DCUN1D4: variants seen among roughly 807,000 people sequenced by gnomAD.
The protein encoded by DCUN1D4 is DCN1-like protein 4.
DCUN1D4 carries 22 observed loss-of-function variants against 47.9 expected under a neutral mutation model. That is an observed-to-expected ratio of 0.46 (90% CI 0.33 to 0.66). The LOEUF is 0.66. Among genes scored for constraint, DCUN1D4 ranks in the 30% least tolerant of loss-of-function variants. The probability of loss-of-function intolerance (pLI) is 0.02; values close to 1 mark genes in which losing one functional copy is unlikely to be tolerated. For synonymous variants in DCUN1D4, 121 were observed against 112.2 expected, an observed-to-expected ratio of 1.08 and a Z score of -0.50; for missense variants, 301 against 340.8, an observed-to-expected ratio of 0.88 and a Z score of 0.92.
At chr4:51,874,578 G>A (rs1238472050) in intron 4 of DCUN1D4, 193 bp downstream of exon 4, 1 of 442,862 alleles carries the variant, frequency 2.3e-6, no homozygotes, top group African/African-American at 2.0e-5. Context: ...AACAAATTAG[G>A]TAATTTGAAT....
At chr4:51,834,708 C>T in the DCUN1D4 span, among the ~76,000 whole-genome samples, 3 of 152,098 alleles carry the variant, frequency 2.0e-5, no homozygotes, top group African/African-American at 7.2e-5. Flanking sequence ...GGAGGGCCAC[C>T]CACCAAGAGC....
chr4:51,886,864 A>G (rs999460197), intron 6 of DCUN1D4: 4 of 507,676 alleles, frequency 7.9e-6, no homozygotes, highest in African/African-American at 1.9e-5. Flanking sequence ...AATTTCTTGT[A>G]TGTAAAAGGT....
At chr4:51,865,361 T>C (rs1409288967) in intron 3 of DCUN1D4, 1 of 186,722 alleles carries the variant, frequency 5.4e-6, no homozygotes, top group Non-Finnish European at 1.2e-5. Flanking sequence ...TCTCCATAGG[T>C]GGTATTGTAT....
In DCUN1D4 at chr4:51,913,732, C is replaced by A; in HGVS notation, c.*148C>A. ...ATGTTGGTGTTTGCTATTGAATTGG[C>A]CAGCTCTGCTTGCTGTGTGGCATTG... On this transcript the variant is annotated 3_prime_UTR_variant, in exon 11 of 11. Coordinates refer to ENST00000334635, the MANE Select transcript of DCUN1D4 (RefSeq NM_001040402.3). 1 of 688,762 alleles carries A rather than the reference C, an allele frequency of 1.5e-6. No homozygotes were observed. Among genetic ancestry groups the A allele is most frequent in the Non-Finnish European group, 2.5e-6 (1 of 406,378 alleles). 42.7% of individuals were successfully genotyped at this position (688,762 alleles called of 1,614,324 possible).
chr4:51,845,271 T>C lies in DCUN1D4; in HGVS notation c.25+2004T>C, dbSNP rs1475417275. 3 of 985,192 alleles carry C rather than the reference T, an allele frequency of 3.0e-6. No homozygotes were observed. The East Asian group carries it at 3.4e-4, about 112-fold the overall frequency. The allele number at this position is 985,192 out of a possible 1,614,324, so 61.0% of individuals were successfully genotyped here. A position where few individuals can be genotyped will look rare whatever the true frequency, so the allele number is the denominator to read the frequency against. ...ACACGTAACCCTTGTAACGATAATA[T>C]AAACTATGTGTTGGTATTTCTTGGG... On this transcript the variant is annotated intron_variant, in intron 1 of 10. Coordinates refer to ENST00000334635, the MANE Select transcript of DCUN1D4 (RefSeq NM_001040402.3).
At chr4:51,896,922 C>T (rs1159746832) in intron 7 of DCUN1D4, among the ~76,000 whole-genome samples, 1 of 152,088 alleles carries the variant, frequency 6.6e-6, no homozygotes, top group Non-Finnish European at 1.5e-5. Flanking sequence ...TGAGACTGAC[C>T]CCATGTTCCT....
chr4:51,873,503 G>A (rs570333404), intron 3 of DCUN1D4, among the ~76,000 whole-genome samples: 3 of 152,236 alleles, frequency 2.0e-5, no homozygotes, highest in African/African-American at 4.8e-5. Context: ...CTCCGCCTCC[G>A]TTTTCTTATC....
chr4:51,894,143 T>C (rs1730872888), intron 7 of DCUN1D4, among the ~76,000 whole-genome samples: 1 of 152,148 alleles, frequency 6.6e-6, no homozygotes. Context: ...ATTCAGGGTT[T>C]AGTGACAAGC....
chr4:51,887,240 T>C, intron 6 of DCUN1D4: 1 of 373,790 alleles, frequency 2.7e-6, no homozygotes. Context: ...TAGCTGGGAC[T>C]ACAGGTGTGC....
At chr4:51,879,780 G>A (rs531669005) in intron 5 of DCUN1D4, among the ~76,000 whole-genome samples, 1 of 152,276 alleles carries the variant, frequency 6.6e-6, no homozygotes, top group East Asian at 1.9e-4. Context: ...TAAAGAAAAA[G>A]TACACTTAAT....
intron 1 of DCUN1D4, among the ~76,000 whole-genome samples, chr4:51,846,517 T>G (rs1722572323): frequency 6.6e-6 from 1 of 152,240 alleles, no homozygotes; most frequent in South Asian, 2.1e-4. Flanking sequence ...GCAGCTCTTC[T>G]TGGCTTATTA....
intron 1 of DCUN1D4, chr4:51,844,251 C>A: frequency 1.2e-6 from 1 of 865,904 alleles, no homozygotes; most frequent in Non-Finnish European, 1.4e-6. Flanking sequence ...GAGGTACTTC[C>A]TCTCCCTGTC....
At chr4:51,843,831 G>C (rs1435857790) in intron 1 of DCUN1D4, 1 of 393,358 alleles carries the variant, frequency 2.5e-6, no homozygotes, top group South Asian at 1.3e-4. Flanking sequence ...ACAATGGGGT[G>C]GGGGAATGGG....
At chr4:51,835,332 C>G in the DCUN1D4 span, among the ~76,000 whole-genome samples, 1 of 152,224 alleles carries the variant, frequency 6.6e-6, no homozygotes, top group Non-Finnish European at 1.5e-5. Flanking sequence ...ACAAAAATGT[C>G]TACCTCTTGG....
chr4:51,847,398 C>G (rs1268149080), intron 1 of DCUN1D4, among the ~76,000 whole-genome samples: 1 of 152,098 alleles, frequency 6.6e-6, no homozygotes, highest in South Asian at 2.1e-4. Context: ...GAGAACAAAA[C>G]TAATAAATTT....
chr4:51,855,220 T>C lies in DCUN1D4; in HGVS notation c.26-8217T>C, dbSNP rs548393590. ...CAAATCTATAGAGACAGAAAGTAGA[T>C]TAGTGGTTGCCTAGAGCTGAAGAGG... On this transcript the variant is annotated intron_variant, in intron 1 of 10. Transcript: ENST00000334635. Among the ~76,000 whole-genome samples the C allele has an allele frequency of 1.2e-4, 19 of 152,180 alleles. No individual in the cohort carries two copies. In the South Asian group the frequency reaches 3.9e-3, roughly 32 times the overall value.
intron 4 of DCUN1D4, among the ~76,000 whole-genome samples, chr4:51,876,316 G>A (rs1034940512): frequency 6.7e-6 from 1 of 149,980 alleles, no homozygotes; most frequent in Admixed American, 6.7e-5. Flanking sequence ...CTATCGCAAG[G>A]ACAAAAAACC....
At chr4:51,852,718 T>A (rs1324307655) in intron 1 of DCUN1D4, among the ~76,000 whole-genome samples, 1 of 152,224 alleles carries the variant, frequency 6.6e-6, no homozygotes, top group Non-Finnish European at 1.5e-5. Flanking sequence ...TGCTAAGTGC[T>A]TGACATGCAC....
chr4:51,834,352 G>A, the DCUN1D4 span, among the ~76,000 whole-genome samples: 4 of 151,520 alleles, frequency 2.6e-5, no homozygotes, highest in East Asian at 5.9e-4. Context: ...GTGTGCTGGG[G>A]GTTTTGGGGG....
Sources: gnomAD v4.1 joint callset for allele counts (sites outside exome capture counted in the v4.1 genomes callset) on GRCh38, gnomAD v4.1.1 for gene constraint, MANE v1.5 for transcripts, NCBI Gene and HGNC (gene_info 2026-07-23, HGNC 2026-07-21) for gene names.